PTPN14: variants seen among roughly 807,000 people sequenced by gnomAD.
PTPN14 encodes tyrosine-protein phosphatase non-receptor type 14.
PTPN14 carries 53 observed loss-of-function variants against 126.8 expected under a neutral mutation model. That is an observed-to-expected ratio of 0.42 (90% CI 0.34 to 0.53). PTPN14 has a LOEUF of 0.53. Ranked by LOEUF, PTPN14 falls within the 20% of genes least tolerant of loss-of-function variation. The probability of loss-of-function intolerance (pLI) is 0.08; values close to 1 mark genes in which losing one functional copy is unlikely to be tolerated. For synonymous variants in PTPN14, 630 were observed against 599.3 expected, an observed-to-expected ratio of 1.05 and a Z score of -0.75; for missense variants, 1,257 against 1,552.9, an observed-to-expected ratio of 0.81 and a Z score of 3.20.
At chr1:214,495,424 A>G (rs1661337617) in intron 1 of PTPN14, among the ~76,000 whole-genome samples, 1 of 152,206 alleles carries the variant, frequency 6.6e-6, no homozygotes, top group Non-Finnish European at 1.5e-5. Context: ...TAAAAAGGAC[A>G]TGTGAAAGAT....
Position 214,353,242 on chromosome 1 carries a change from T to A in PTPN14, c.*4680A>T, listed in dbSNP as rs1657740076. ...AAGTCTTTTATATAAAATAGCACAG[T>A]ATTTGCATATAACCTATGCACATCT... On this transcript the variant is annotated 3_prime_UTR_variant, in exon 19 of 19. Transcript: ENST00000366956. 6.6e-6 allele frequency: 1 copy of A among 152,370 alleles called. No homozygotes were observed. Among genetic ancestry groups the A allele is most frequent in the East Asian group, 1.9e-4 (1 of 5,194 alleles). The allele number at this position is 152,370 out of a possible 1,614,324, so 9.4% of individuals were successfully genotyped here. A position where few individuals can be genotyped will look rare whatever the true frequency, so the allele number is the denominator to read the frequency against.
At position 214,369,633 on chromosome 1, in the gene PTPN14, G is replaced by A. The variant is rs1658166718; in HGVS notation, c.3095C>T (p.Ser1032Leu). 1 of 1,614,090 alleles carries A rather than the reference G, an allele frequency of 6.2e-7. No individual in the cohort carries two copies. Among genetic ancestry groups the A allele is most frequent in the Non-Finnish European group, 8.5e-7 (1 of 1,180,040 alleles). The stretch of plus-strand genomic sequence containing the variant: ...GACCTTGAACTTGCCATAGGTGGCT[G>A]AGCTGTGCTTTGAACCTAGTTTGGG... ...YWPKLGSKHS[S>L]ATYGKFKVTT... is the part of the protein sequence containing the mutation. The change falls in exon 17 of 19, where the codon TCA (serine) becomes TTA (leucine). Residue 1032 changes from serine to leucine, a missense_variant. This residue lies in a region of PTPN14 where 171 missense variants were observed against 229.8 expected (regional missense o/e 0.74). Coordinates refer to ENST00000366956, the MANE Select transcript of PTPN14 (RefSeq NM_005401.5).
chr1:214,417,246 G>A (rs1179761840), intron 3 of PTPN14, among the ~76,000 whole-genome samples: 1 of 152,088 alleles, frequency 6.6e-6, no homozygotes, highest in Non-Finnish European at 1.5e-5. Context: ...CTCGAATGAA[G>A]GTAAAATTTT....
intron 5 of PTPN14, among the ~76,000 whole-genome samples, chr1:214,409,726 ATACTCCTCATGCTCAGTAAGACTT>A (rs71873494): frequency 0.46 from 69,641 of 151,094 alleles, 16,092 homozygotes; most frequent in Admixed American, 0.5. Flanking sequence ...CTCATGCTCA[ATACTCCTCATGCTCAGTAAGACTT>A]TACTCCTCAT....
chr1:214,378,092 T>C lies in PTPN14; in HGVS notation c.2555A>G (p.Lys852Arg), dbSNP rs771341494. The C allele has an allele frequency of 5.6e-6, 9 of 1,607,888 alleles. No homozygotes were observed. Among genetic ancestry groups the C allele is most frequent in the Non-Finnish European group, 7.6e-6 (9 of 1,178,838 alleles). The change falls in exon 14 of 19, where the codon AAG (lysine) becomes AGG (arginine). Residue 852 changes from lysine to arginine, a missense_variant. Lys to Arg is a conservative substitution (Grantham distance 26, BLOSUM62 2). Coordinates refer to ENST00000366956, the MANE Select transcript of PTPN14 (RefSeq NM_005401.5). ...EREMMIRNLE[K>R]QKMAGLEAQK... Reference sequence around the variant, plus strand: ...TGCCTCCAGGCCTGCCATCTTCTGCTTCTCTAGATTCTTGCGGCAAGAAAA... The same window carrying C: ...TGCCTCCAGGCCTGCCATCTTCTGCCTCTCTAGATTCTTGCGGCAAGAAAA...
Position 214,464,815 on chromosome 1 carries a change from C to T in PTPN14, c.-12G>A, listed in dbSNP as rs760107071. 4 of 1,612,178 alleles carry T rather than the reference C, an allele frequency of 2.5e-6. No individual in the cohort carries two copies. Among genetic ancestry groups the T allele is most frequent in the Non-Finnish European group, 1.7e-6 (2 of 1,178,462 alleles). ...AGACCAAAAGGCATGGCTATGTGGT[C>T]CTCGGACGCCGCCCGCCTATCCTGG... On this transcript the variant is annotated 5_prime_UTR_variant, in exon 2 of 19. Transcript: ENST00000366956.
chr1:214,411,220 G>A (rs1393256919), intron 5 of PTPN14, among the ~76,000 whole-genome samples: 1 of 151,614 alleles, frequency 6.6e-6, no homozygotes, highest in Admixed American at 6.6e-5. Flanking sequence ...ATTGTTTTCT[G>A]CCAACTCTCA....
In PTPN14 at chr1:214,354,638, AAC is replaced by A. The variant is rs1657774467; in HGVS notation, c.*3282_*3283del. ...CCCCCATGATTCAGGGACCACAGTA[AAC>A]AAGGATGAATACCTCGGGTCAATGT... On this transcript the variant is annotated 3_prime_UTR_variant, in exon 19 of 19. Coordinates refer to ENST00000366956, the MANE Select transcript of PTPN14 (RefSeq NM_005401.5). The A allele has an allele frequency of 6.6e-6, 1 of 152,266 alleles. No individual in the cohort carries two copies. Among genetic ancestry groups the A allele is most frequent in the Non-Finnish European group, 1.5e-5 (1 of 68,056 alleles). The allele number at this position is 152,266 out of a possible 1,614,324, so 9.4% of individuals were successfully genotyped here. A position where few individuals can be genotyped will look rare whatever the true frequency, so the allele number is the denominator to read the frequency against.
intron 1 of PTPN14, among the ~76,000 whole-genome samples, chr1:214,540,885 ATTCCT>A (rs1655818231): frequency 6.6e-6 from 1 of 152,182 alleles, no homozygotes; most frequent in Non-Finnish European, 1.5e-5. Context: ...CCCAAGAAAT[ATTCCT>A]TTCAATTTGT....
At chr1:214,521,532 G>T (rs1024997533) in intron 1 of PTPN14, among the ~76,000 whole-genome samples, 2 of 152,166 alleles carry the variant, frequency 1.3e-5, no homozygotes, top group Admixed American at 1.3e-4. Flanking sequence ...GGCTAACATG[G>T]TGAAACCCCA....
rs553278811 is a variant in PTPN14, at chr1:214,516,054, G to A, written c.-155+35129C>T. Among the ~76,000 whole-genome samples the A allele has an allele frequency of 3.2e-3, 485 of 152,180 alleles. 1 individual carries two copies. The highest frequency in any genetic ancestry group is 0.011 in the African/African-American group (459 of 41,514). ...GTATAATTTCCTGCACTCCTCTTTC[G>A]ATAACATAAAAGCAGGAAGTACACC... On this transcript the variant is annotated intron_variant, in intron 1 of 18. Coordinates refer to ENST00000366956, the MANE Select transcript of PTPN14 (RefSeq NM_005401.5).
intron 1 of PTPN14, among the ~76,000 whole-genome samples, chr1:214,493,091 G>A: frequency 6.6e-6 from 1 of 152,102 alleles, no homozygotes; most frequent in East Asian, 1.9e-4. Context: ...TCCTAAGTGG[G>A]AAAGCAAGAC....
chr1:214,431,404 A>C (rs1659794487), intron 3 of PTPN14, among the ~76,000 whole-genome samples: 1 of 152,170 alleles, frequency 6.6e-6, no homozygotes, highest in African/African-American at 2.4e-5. Context: ...TCTGTTTATT[A>C]ACCAGTATAA....
intron 1 of PTPN14, among the ~76,000 whole-genome samples, chr1:214,506,342 A>AT (rs201896847): frequency 2.2e-4 from 33 of 147,796 alleles, no homozygotes; most frequent in African/African-American, 5.2e-4. Context: ...CGTCTCTTAA[A>AT]TTTTTTTTTT....
At chr1:214,497,661 C>G (rs1420753559) in intron 1 of PTPN14, among the ~76,000 whole-genome samples, 1 of 152,182 alleles carries the variant, frequency 6.6e-6, no homozygotes, top group Non-Finnish European at 1.5e-5. Flanking sequence ...ATGATCTATA[C>G]TTACTCCTGA....
At position 214,383,648 on chromosome 1, in the gene PTPN14, T is replaced by G. The variant is rs766818511; in HGVS notation, c.2207A>C (p.Gln736Pro). Residue 736 changes from glutamine to proline, a missense_variant, in exon 13 of 19, where the codon CAG becomes CCG. Transcript: ENST00000366956. The surrounding 1 kb of genome is among the most constrained non-coding windows in gnomAD (Gnocchi z 4.4). ...MLREKMEYSA[Q>P]LQAALARIPN... ...GATGCGGGCCAGGGCCGCCTGCAGCTGGGCACTGTACTCCATCTTCTCCCG... is the reference window on the plus strand; with the variant it reads ...GATGCGGGCCAGGGCCGCCTGCAGCGGGGCACTGTACTCCATCTTCTCCCG... The G allele has an allele frequency of 9.3e-6, 15 of 1,613,368 alleles. No individual in the cohort carries two copies. Among genetic ancestry groups the G allele is most frequent in the Non-Finnish European group, 1.3e-5 (15 of 1,180,026 alleles).
intron 6 of PTPN14, among the ~76,000 whole-genome samples, chr1:214,402,667 A>AAGGAAGGAAGGAAGGGAGGGAGGG (rs1558086998): frequency 7.2e-5 from 1 of 13,820 alleles, no homozygotes; most frequent in East Asian, 3.1e-3. Context: ...GGAAGGAAGG[A>AAGGAAGGAAGGAAGGGAGGGAGGG]AGGAAGGAAG....
chr1:214,406,109 T>C (rs947197588), intron 5 of PTPN14, among the ~76,000 whole-genome samples: 10 of 152,176 alleles, frequency 6.6e-5, no homozygotes, highest in Non-Finnish European at 1.5e-4. Flanking sequence ...ACAGGACTTT[T>C]TGGGATGACG....
At chr1:214,377,492 T>G (rs777521191) in intron 14 of PTPN14, among the ~76,000 whole-genome samples, 1 of 152,154 alleles carries the variant, frequency 6.6e-6, no homozygotes. Context: ...TTTACCTATG[T>G]AATAAACCTT....
Sources: allele counts gnomAD v4.1 joint callset (sites outside exome capture counted in the v4.1 genomes callset), GRCh38; gene constraint gnomAD v4.1.1; regional missense constraint gnomAD v4.1.1; non-coding constraint Gnocchi (gnomAD v3.1); transcripts MANE v1.5; gene names NCBI Gene and HGNC (gene_info 2026-07-23, HGNC 2026-07-21).